Variants in ARHGAP24 observed in about 807,000 individuals in gnomAD.
The protein encoded by ARHGAP24 is Rho GTPase activating protein 24.
A neutral mutation model predicts 76.4 loss-of-function variants in ARHGAP24; 50 were observed. The ratio of observed to expected loss-of-function variants is 0.65; its 90% CI spans 0.52 to 0.83. The LOEUF (loss-of-function observed/expected upper bound fraction) is 0.83, where lower values mean the gene tolerates loss of function less well. ARHGAP24 is among the 40% of genes least tolerant of loss of function. ARHGAP24 has a pLI of 0.00. For synonymous variants in ARHGAP24, 345 were observed against 323.3 expected (o/e 1.07, Z -0.72); for missense variants, 930 against 914.2 (o/e 1.02, Z -0.22).
chr4:85,705,762 G>A (rs925139284), intron 2 of ARHGAP24, among the ~76,000 whole-genome samples: 3 of 152,138 alleles, frequency 2.0e-5, no homozygotes, highest in African/African-American at 4.8e-5. Context: ...AAGACAGTTT[G>A]ACTCTAGAAT....
intron 3 of ARHGAP24, among the ~76,000 whole-genome samples, chr4:85,861,263 A>G (rs1731882285): frequency 6.6e-6 from 1 of 152,104 alleles, no homozygotes; most frequent in African/African-American, 2.4e-5. Flanking sequence ...TACTTTTACA[A>G]TATTTACATT....
intron 3 of ARHGAP24, among the ~76,000 whole-genome samples, chr4:85,844,026 T>C (rs1730738791): frequency 1.3e-5 from 2 of 152,324 alleles, no homozygotes; most frequent in East Asian, 3.9e-4. Flanking sequence ...TAATTGCTTA[T>C]GAAAATGTAA....
At chr4:85,799,737 T>A (rs147811859) in intron 3 of ARHGAP24, among the ~76,000 whole-genome samples, 36 of 152,302 alleles carry the variant, frequency 2.4e-4, no homozygotes, top group African/African-American at 8.7e-4. Context: ...TAATGCAGAA[T>A]CCTGGCAGCA....
At chr4:85,740,509 G>A (rs575373089) in intron 3 of ARHGAP24, among the ~76,000 whole-genome samples, 53 of 152,142 alleles carry the variant, frequency 3.5e-4, no homozygotes, top group Non-Finnish European at 5.0e-4. Flanking sequence ...CCACCCAGCC[G>A]ATATTCTTTA....
At chr4:85,585,346 A>G (rs969963083) in intron 2 of ARHGAP24, among the ~76,000 whole-genome samples, 1 of 152,244 alleles carries the variant, frequency 6.6e-6, no homozygotes, top group African/African-American at 2.4e-5. Context: ...GAAATGTGCC[A>G]TGGACTGTCT....
At chr4:85,638,899 G>A in intron 2 of ARHGAP24, among the ~76,000 whole-genome samples, 1 of 152,126 alleles carries the variant, frequency 6.6e-6, no homozygotes, top group East Asian at 1.9e-4. Flanking sequence ...ACTTCTTTAA[G>A]CATTAACTTA....
intron 2 of ARHGAP24, among the ~76,000 whole-genome samples, chr4:85,712,626 C>T (rs1578163119): frequency 6.6e-6 from 1 of 152,112 alleles, no homozygotes; most frequent in Middle Eastern, 3.2e-3. Flanking sequence ...CAACCCTTGG[C>T]TTGTGGCTGT....
chr4:85,896,921 G>C (rs1373819505), intron 3 of ARHGAP24, among the ~76,000 whole-genome samples: 3 of 152,148 alleles, frequency 2.0e-5, no homozygotes, highest in Non-Finnish European at 4.4e-5. Flanking sequence ...TGGCTATAAA[G>C]TGTCAGTCTC....
rs180696769 is a variant in ARHGAP24 at position 85,727,332 on chromosome 4, A to G, written c.268+5360A>G. Among the ~76,000 whole-genome samples, 233 of 152,290 alleles carry G rather than the reference A, an allele frequency of 1.5e-3. 1 individual carries two copies. Among genetic ancestry groups the G allele is most frequent in the Admixed American group, 2.7e-3 (41 of 15,302 alleles). ...ATCTTTCCAGACTCATTCATTAAGA[A>G]TGAGAATTTTGGCACTTGATAAGAG... On this transcript the variant is annotated intron_variant, in intron 3 of 9. Transcript: ENST00000395184.
At chr4:85,588,630 C>T (rs565114070) in intron 2 of ARHGAP24, among the ~76,000 whole-genome samples, 2 of 152,260 alleles carry the variant, frequency 1.3e-5, no homozygotes, top group African/African-American at 4.8e-5. Context: ...TGGACGTGGG[C>T]ATCTGATTCT....
chr4:85,815,638 GC>G (rs1729204601), intron 3 of ARHGAP24, among the ~76,000 whole-genome samples: 1 of 152,198 alleles, frequency 6.6e-6, no homozygotes, highest in Non-Finnish European at 1.5e-5. Context: ...TTTGGCTAAA[GC>G]CATTCAACGA....
Position 85,713,493 on chromosome 4 carries a change from G to A in ARHGAP24, c.181-8392G>A, listed in dbSNP as rs547792740. ...GTTTCATTTTTTTCTAAGCATGTTG[G>A]CATTTTCAACGTCCTACATCTATGT... On this transcript the variant is annotated intron_variant, in intron 2 of 9. Coordinates refer to ENST00000395184, the MANE Select transcript of ARHGAP24 (RefSeq NM_001025616.3). 3.3e-5 allele frequency among the ~76,000 whole-genome samples: 5 copies of A among 152,090 alleles called. No individual in the cohort carries two copies. The East Asian group carries it at 9.6e-4, about 29-fold the overall frequency.
chr4:85,763,806 A>T (rs1370042902), intron 3 of ARHGAP24, among the ~76,000 whole-genome samples: 1 of 152,154 alleles, frequency 6.6e-6, no homozygotes, highest in Non-Finnish European at 1.5e-5. Context: ...TGTACTAATA[A>T]ATACCATCCA....
chr4:85,810,638 T>C (rs931607469), intron 3 of ARHGAP24, among the ~76,000 whole-genome samples: 1 of 152,172 alleles, frequency 6.6e-6, no homozygotes, highest in Non-Finnish European at 1.5e-5. Context: ...TCTATTCTAG[T>C]GGTACTGCAC....
At chr4:85,577,946 G>A (rs1038242195) in intron 2 of ARHGAP24, among the ~76,000 whole-genome samples, 1 of 152,116 alleles carries the variant, frequency 6.6e-6, no homozygotes, top group Non-Finnish European at 1.5e-5. Context: ...AGAGAGATTT[G>A]GAGAAGAAAG....
chr4:85,699,767 T>C (rs1156952539), intron 2 of ARHGAP24, among the ~76,000 whole-genome samples: 1 of 152,174 alleles, frequency 6.6e-6, no homozygotes, highest in African/African-American at 2.4e-5. Flanking sequence ...ACATAATGTA[T>C]TCATTTTGTG....
rs1000597373 is a variant in ARHGAP24, at chr4:85,748,062, C to T, written c.268+26090C>T. 9.9e-5 allele frequency among the ~76,000 whole-genome samples: 15 copies of T among 152,212 alleles called. 1 individual carries two copies. The highest frequency in any genetic ancestry group is 8.5e-4 in the Admixed American group (13 of 15,278). ...TAGTTGACAGATACAAAATACACAG[C>T]AATACTGCCCTCTACAGGTTCCCTG... is the stretch of plus-strand genomic sequence containing the variant. On this transcript the variant is annotated intron_variant, in intron 3 of 9. Coordinates refer to ENST00000395184, the MANE Select transcript of ARHGAP24 (RefSeq NM_001025616.3).
chr4:85,545,475 C>T (rs1159848185), intron 1 of ARHGAP24, among the ~76,000 whole-genome samples: 1 of 152,190 alleles, frequency 6.6e-6, no homozygotes, highest in Non-Finnish European at 1.5e-5. Flanking sequence ...GGACCTAGCG[C>T]ATGAGCCTCA....
At chr4:85,808,351 G>C (rs1298666760) in intron 3 of ARHGAP24, among the ~76,000 whole-genome samples, 1 of 152,084 alleles carries the variant, frequency 6.6e-6, no homozygotes, top group Non-Finnish European at 1.5e-5. Flanking sequence ...CCTTTCAACT[G>C]CTCTAAACAC....
Sources: gnomAD v4.1 joint callset for allele counts (sites outside exome capture counted in the v4.1 genomes callset) on GRCh38, gnomAD v4.1.1 for gene constraint, MANE v1.5 for transcripts, NCBI Gene and HGNC (gene_info 2026-07-23, HGNC 2026-07-21) for gene names.